LY96: variants seen among roughly 807,000 people sequenced by gnomAD.
LY96 encodes the protein lymphocyte antigen 96.
Under a neutral mutation model 18.9 loss-of-function variants are expected in LY96, and 18 were observed. The ratio of observed to expected loss-of-function variants is 0.95; its 90% CI spans 0.66 to 1.41. The LOEUF is 1.41. Ranked by LOEUF, LY96 falls within the 40% of genes most tolerant of loss-of-function variation. The pLI is 0.00. For synonymous variants in LY96, 66 were observed against 62.6 expected, an observed-to-expected ratio of 1.06 and a Z score of -0.26; for missense variants, 175 against 182.4, an observed-to-expected ratio of 0.96 and a Z score of 0.23.
chr8:74,094,924 C>T, the LY96 span, among the ~76,000 whole-genome samples: 2 of 152,128 alleles, frequency 1.3e-5, no homozygotes, highest in Admixed American at 1.3e-4. Flanking sequence ...AAATGGGTAA[C>T]TTGGCAGGAA....
intron 3 of LY96, among the ~76,000 whole-genome samples, chr8:74,022,577 T>C (rs543832574): frequency 6.7e-6 from 1 of 149,022 alleles, no homozygotes; most frequent in East Asian, 1.9e-4. Flanking sequence ...TTTTTTCTTT[T>C]TTTCTTTTTT....
chr8:74,047,983 T>G, the LY96 span, among the ~76,000 whole-genome samples: 4 of 152,242 alleles, frequency 2.6e-5, no homozygotes, highest in Non-Finnish European at 5.9e-5. Flanking sequence ...ACTGCAGCTT[T>G]GACTTCCTTG....
chr8:74,073,389 T>G, the LY96 span, among the ~76,000 whole-genome samples: 1 of 152,318 alleles, frequency 6.6e-6, no homozygotes, highest in African/African-American at 2.4e-5. Context: ...TTCTCACAGA[T>G]GATCTCATTC....
At chr8:74,012,736 A>C (rs1041842442) in intron 3 of LY96, among the ~76,000 whole-genome samples, 6 of 152,170 alleles carry the variant, frequency 3.9e-5, no homozygotes, top group Non-Finnish European at 8.8e-5. Flanking sequence ...TAATAAAATT[A>C]TGTGTAATTT....
chr8:74,031,508 C>A (rs969366870), downstream of LY96, among the ~76,000 whole-genome samples: 5 of 151,790 alleles, frequency 3.3e-5, no homozygotes, highest in Admixed American at 1.3e-4. Context: ...CACCTGTAGT[C>A]CCAGCTACTC....
chr8:74,037,070 C>T, the LY96 span, among the ~76,000 whole-genome samples: 4 of 152,110 alleles, frequency 2.6e-5, no homozygotes, highest in Non-Finnish European at 4.4e-5. Context: ...TGGTCTTGTT[C>T]TGATGTACAA....
the LY96 span, among the ~76,000 whole-genome samples, chr8:74,042,123 G>A: frequency 1.3e-5 from 2 of 152,158 alleles, no homozygotes; most frequent in Non-Finnish European, 2.9e-5. Context: ...AATATTGGGG[G>A]CAGGTTCCAC....
chr8:74,094,790 T>C, the LY96 span, among the ~76,000 whole-genome samples: 1 of 152,216 alleles, frequency 6.6e-6, no homozygotes, highest in Non-Finnish European at 1.5e-5. Context: ...GAAGTTACTG[T>C]TCAGGAATTT....
the LY96 span, among the ~76,000 whole-genome samples, chr8:74,072,028 G>C: frequency 6.6e-6 from 1 of 152,066 alleles, no homozygotes; most frequent in Non-Finnish European, 1.5e-5. Flanking sequence ...AACATTTTTG[G>C]AGATAAATAG....
At chr8:74,096,497 T>C in the LY96 span, among the ~76,000 whole-genome samples, 8 of 152,330 alleles carry the variant, frequency 5.3e-5, no homozygotes, top group African/African-American at 1.9e-4. Flanking sequence ...TTAAAATCTC[T>C]GATGTCATTT....
At chr8:74,066,404 G>A in the LY96 span, among the ~76,000 whole-genome samples, 7,065 of 151,740 alleles carry the variant, frequency 0.047, 418 homozygotes, top group African/African-American at 0.13. Context: ...CATAGCTGGC[G>A]CCCCAAGCAG....
the LY96 span, among the ~76,000 whole-genome samples, chr8:74,077,446 G>C: frequency 2.0e-5 from 3 of 152,278 alleles, no homozygotes; most frequent in African/African-American, 7.2e-5. Context: ...GTAAGATACC[G>C]TCCTTTGTGA....
chr8:74,003,510 A>T (rs1816344004), intron 1 of LY96, among the ~76,000 whole-genome samples: 1 of 152,230 alleles, frequency 6.6e-6, no homozygotes, highest in Non-Finnish European at 1.5e-5. Flanking sequence ...GGTTTATCTC[A>T]TAACCTTCAC....
chr8:73,997,821 C>T (rs998470057), intron 1 of LY96, among the ~76,000 whole-genome samples: 21 of 152,122 alleles, frequency 1.4e-4, no homozygotes, highest in South Asian at 6.2e-4. Context: ...AGGATACAGA[C>T]GAATAGCCAG....
the LY96 span, among the ~76,000 whole-genome samples, chr8:74,067,950 A>G: frequency 1.3e-5 from 2 of 150,384 alleles, no homozygotes; most frequent in African/African-American, 4.9e-5. Flanking sequence ...AATCCCAGCT[A>G]CTAGGGAGGC....
the LY96 span, among the ~76,000 whole-genome samples, chr8:74,045,755 AG>A: frequency 2.6e-5 from 4 of 152,250 alleles, no homozygotes; most frequent in Middle Eastern, 3.4e-3. Context: ...GGAAGCAAAA[AG>A]CGAAGACCGC....
chr8:74,052,225 G>A, the LY96 span: 3 of 152,418 alleles, frequency 2.0e-5, no homozygotes, highest in Non-Finnish European at 4.4e-5. Flanking sequence ...GAGGCCCACA[G>A]GGGCTGGTGG....
chr8:74,052,235 G>C, the LY96 span: 1 of 152,226 alleles, frequency 6.6e-6, no homozygotes, highest in Non-Finnish European at 1.5e-5. Flanking sequence ...GGGGCTGGTG[G>C]GAGTGCTAGA....
At chr8:74,055,389 T>A in the LY96 span, among the ~76,000 whole-genome samples, 3 of 152,180 alleles carry the variant, frequency 2.0e-5, no homozygotes. Context: ...TTTCATGACC[T>A]TGGGCAAGTT....
Sources: allele counts gnomAD v4.1 joint callset (sites outside exome capture counted in the v4.1 genomes callset), GRCh38; gene constraint gnomAD v4.1.1; transcripts MANE v1.5; gene names NCBI Gene and HGNC (gene_info 2026-07-23, HGNC 2026-07-21).